The following MBP variants were observed in gnomAD, a reference collection of about 807,000 sequenced individuals.
MBP encodes the protein myelin basic protein.
In MBP, 16 loss-of-function variants were observed where a neutral mutation model predicts 35.8. The ratio of observed to expected loss-of-function variants is 0.45; its 90% CI spans 0.30 to 0.68. The LOEUF is 0.68. Among genes scored for constraint, MBP ranks in the 30% least tolerant of loss-of-function variants. The probability of loss-of-function intolerance (pLI) is 0.08; values close to 1 mark genes in which losing one functional copy is unlikely to be tolerated. For missense variants in MBP, 380 were observed against 404.7 expected, an observed-to-expected ratio of 0.94 and a Z score of 0.52; for synonymous variants, 143 against 159.6, an observed-to-expected ratio of 0.90 and a Z score of 0.78.
intron 2 of MBP, among the ~76,000 whole-genome samples, chr18:77,100,235 A>T (rs1437538890): frequency 6.6e-6 from 1 of 152,218 alleles, no homozygotes; most frequent in Non-Finnish European, 1.5e-5. Flanking sequence ...AGACACACAC[A>T]GAGAGACGAC....
chr18:77,018,241 C>T (rs569444639), intron 3 of MBP, among the ~76,000 whole-genome samples: 6 of 150,030 alleles, frequency 4.0e-5, no homozygotes, highest in African/African-American at 7.4e-5. Context: ...CTCATCCATC[C>T]GTTCACCCAT....
intron 2 of MBP, among the ~76,000 whole-genome samples, chr18:77,083,528 A>G (rs1975065435): frequency 6.6e-6 from 1 of 152,202 alleles, no homozygotes; most frequent in Non-Finnish European, 1.5e-5. Context: ...AAAAAGTTGC[A>G]CTTGAGTTTT....
intron 4 of MBP, among the ~76,000 whole-genome samples, chr18:77,009,696 T>G (rs947170247): frequency 2.0e-5 from 3 of 152,258 alleles, no homozygotes; most frequent in African/African-American, 7.2e-5. Context: ...GGGGGAGGCC[T>G]GCCTCCCTGC....
At position 76,979,595 on chromosome 18, in the gene MBP, G is replaced by T. The variant is rs1303562928; in HGVS notation, c.*832C>A. ...CGGCTGTGGGCTGTGGTTTGGAAAC[G>T]AGGTTGTTCATAGAGGCTGCTCTGG... On this transcript the variant is annotated 3_prime_UTR_variant, in exon 9 of 9. Transcript: ENST00000355994. The T allele has an allele frequency of 7.3e-6, 2 of 273,562 alleles. No homozygotes were observed. Among genetic ancestry groups the T allele is most frequent in the East Asian group, 9.3e-5 (1 of 10,808 alleles). 16.9% of individuals were successfully genotyped at this position (273,562 alleles called of 1,614,324 possible). A position where few individuals can be genotyped will look rare whatever the true frequency, so the allele number is the denominator to read the frequency against.
At chr18:77,062,420 G>A (rs1352571865) in intron 3 of MBP, among the ~76,000 whole-genome samples, 3 of 151,940 alleles carry the variant, frequency 2.0e-5, no homozygotes, top group South Asian at 2.1e-4. Flanking sequence ...CTTGGACAAC[G>A]CCCAGTTCTC....
chr18:77,014,990 C>A (rs181062822), intron 4 of MBP: 250 of 984,642 alleles, frequency 2.5e-4, no homozygotes, highest in Non-Finnish European at 3.0e-4. Flanking sequence ...ATTGGCCAGC[C>A]CTGTTTTGCA....
At chr18:77,123,916 G>C (rs148027795) in intron 1 of MBP, among the ~76,000 whole-genome samples, 2 of 152,336 alleles carry the variant, frequency 1.3e-5, no homozygotes, top group African/African-American at 4.8e-5. Context: ...GCATTTCTCT[G>C]TCTCTCTGGG....
chr18:77,064,574 C>A (rs1397781060), intron 3 of MBP, among the ~76,000 whole-genome samples: 3 of 152,126 alleles, frequency 2.0e-5, no homozygotes, highest in African/African-American at 7.2e-5. Flanking sequence ...CAGTCGGTAG[C>A]ACTAAATCTG....
chr18:77,029,789 C>A (rs62106761), intron 3 of MBP, among the ~76,000 whole-genome samples: 5 of 102,830 alleles, frequency 4.9e-5, no homozygotes, highest in Non-Finnish European at 7.3e-5. Context: ...CACACACACA[C>A]ACAAACACAC....
In MBP at chr18:77,074,339, CGGGTCTCAAGGGGGTTCAGTGAGCCT is replaced by C. The variant is rs1407999660; in HGVS notation, c.52-7980_52-7955del. On this transcript the variant is annotated intron_variant, in intron 2 of 8. Coordinates refer to ENST00000355994, the MANE Select transcript of MBP (RefSeq NM_001025101.2). ...CGGTCTCAAGGGGGTTCAGTGAGCC[CGGGTCTCAAGGGGGTTCAGTGAGCCT>C]GGGTCTCAAGGGAAATGGATAGATT... Among the ~76,000 whole-genome samples, 105 of 150,632 alleles carry C rather than the reference CGGGTCTCAAGGGGGTTCAGTGAGCCT, an allele frequency of 7.0e-4. 1 individual carries two copies. Among genetic ancestry groups the C allele is most frequent in the Non-Finnish European group, 1.2e-3 (81 of 67,434 alleles).
chr18:77,044,496 C>T lies in MBP; in HGVS notation c.139+21802G>A, dbSNP rs1370597787. Among the ~76,000 whole-genome samples the T allele has an allele frequency of 6.6e-6, 1 of 152,164 alleles. No homozygotes were observed. The highest frequency in any genetic ancestry group is 1.5e-5 in the Non-Finnish European group (1 of 68,032). ...TACTGCAAGGGCCACTCTCCCTGTA[C>T]AGGCCTTCCTGACCCCTCGTCCCTG... On this transcript the variant is annotated intron_variant, in intron 3 of 8. Coordinates refer to ENST00000355994, the MANE Select transcript of MBP (RefSeq NM_001025101.2). This position sits in a 1 kb window ranked among gnomAD's most constrained non-coding sequence, Gnocchi z 4.4.
chr18:77,052,328 C>G (rs757238313), intron 3 of MBP, among the ~76,000 whole-genome samples: 2 of 152,108 alleles, frequency 1.3e-5, no homozygotes, highest in African/African-American at 4.8e-5. Context: ...GCATCCCGAT[C>G]GGGGGGGTAA....
rs1273151162 is a variant in MBP, at chr18:76,984,640, G to C, written c.870+135C>G. 4.9e-6 allele frequency: 6 copies of C among 1,236,088 alleles called. No homozygotes were observed. The South Asian group carries it at 7.9e-5, about 16-fold the overall frequency. 76.6% of individuals were successfully genotyped at this position (1,236,088 alleles called of 1,614,324 possible). On this transcript the variant is annotated intron_variant, in intron 8 of 8. Coordinates refer to ENST00000355994, the MANE Select transcript of MBP (RefSeq NM_001025101.2). ...GGCAATGCCACCTGAGCCCCTGCAC[G>C]CCTGCTGGGACAGAGCACGTCCAGG...
chr18:77,027,390 C>T (rs773614793), intron 3 of MBP, among the ~76,000 whole-genome samples: 1 of 152,210 alleles, frequency 6.6e-6, no homozygotes. Flanking sequence ...TGCCCGCACA[C>T]GCCTGCTGAG....
intron 2 of MBP, among the ~76,000 whole-genome samples, chr18:77,072,124 C>G (rs548648801): frequency 1.4e-4 from 21 of 152,274 alleles, no homozygotes; most frequent in Admixed American, 1.1e-3. Flanking sequence ...CCTTTGAAGG[C>G]TCAGGATCCT....
chr18:77,068,949 G>T, intron 2 of MBP: 1 of 462,834 alleles, frequency 2.2e-6, no homozygotes, highest in Admixed American at 2.3e-5. Flanking sequence ...AGCCTTGGGG[G>T]CCTCACCTCG....
chr18:77,072,907 G>C (rs977886352), intron 2 of MBP, among the ~76,000 whole-genome samples: 1 of 152,318 alleles, frequency 6.6e-6, no homozygotes, highest in South Asian at 2.1e-4. Context: ...CTTTTAGGAC[G>C]CCTGGCCTGT....
In MBP at chr18:77,132,696, C is replaced by T. The variant is rs1277280736; in HGVS notation, c.-142G>A. 1.3e-5 allele frequency: 2 copies of T among 151,816 alleles called. No individual in the cohort carries two copies. The highest frequency in any genetic ancestry group is 4.8e-5 in the African/African-American group (2 of 41,280). 9.4% of individuals were successfully genotyped at this position (151,816 alleles called of 1,614,324 possible). A position where few individuals can be genotyped will look rare whatever the true frequency, so the allele number is the denominator to read the frequency against. ...TTCAAGCGCCCACGCGCGGGGTCCC[C>T]GGGCAGCCTGCTTCGCCTTCCGGGG... On this transcript the variant is annotated 5_prime_UTR_variant, in exon 1 of 9. Transcript: ENST00000355994.
At chr18:77,126,000 G>A (rs1002648421) in intron 1 of MBP, among the ~76,000 whole-genome samples, 1 of 152,096 alleles carries the variant, frequency 6.6e-6, no homozygotes, top group Non-Finnish European at 1.5e-5. Flanking sequence ...AACAGTTAAG[G>A]AGAAATTTAT....
Sources: allele counts gnomAD v4.1 joint callset (sites outside exome capture counted in the v4.1 genomes callset), GRCh38; gene constraint gnomAD v4.1.1; non-coding constraint Gnocchi (gnomAD v3.1); transcripts MANE v1.5; gene names NCBI Gene and HGNC (gene_info 2026-07-23, HGNC 2026-07-21).